ACTR3C: variants seen among roughly 807,000 people sequenced by gnomAD.
ACTR3C encodes the protein actin-related protein 3C.
In ACTR3C, 18 loss-of-function variants were observed where a neutral mutation model predicts 26.3. That is an observed-to-expected ratio of 0.68 (90% CI 0.47 to 1.01). The LOEUF is 1.01. Ranked by LOEUF, ACTR3C falls within the 50% of genes least tolerant of loss-of-function variation. The pLI is 0.00. For synonymous variants in ACTR3C, 55 were observed against 94.5 expected (o/e 0.58, Z 2.42); for missense variants, 184 against 250.7 (o/e 0.73, Z 1.80).
At chr7:149,932,587 C>T in the ACTR3C span, among the ~76,000 whole-genome samples, 119 of 152,086 alleles carry the variant, frequency 7.8e-4, no homozygotes, top group African/African-American at 2.3e-3. Flanking sequence ...TGGAGATAAT[C>T]GCACAGTCAT....
chr7:150,035,022 G>GA, the ACTR3C span, among the ~76,000 whole-genome samples: 6 of 144,436 alleles, frequency 4.2e-5, no homozygotes, highest in South Asian at 1.3e-3. Flanking sequence ...GAGCCAGGGG[G>GA]GGAAGAGGGA....
At chr7:150,111,940 C>T in the ACTR3C span, among the ~76,000 whole-genome samples, 6 of 152,048 alleles carry the variant, frequency 3.9e-5, 1 homozygote, top group Admixed American at 3.9e-4. Context: ...TCCCAGCTTT[C>T]GCTGACTCCT....
chr7:150,261,667 A>G (rs141094742), intron 6 of ACTR3C, among the ~76,000 whole-genome samples: 6,751 of 151,992 alleles, frequency 0.044, 451 homozygotes, highest in African/African-American at 0.15. Flanking sequence ...ACGCCATTAC[A>G]CTCCAGCCTG....
At chr7:150,216,784 TG>T in the ACTR3C span, among the ~76,000 whole-genome samples, 206 of 151,684 alleles carry the variant, frequency 1.4e-3, no homozygotes, top group African/African-American at 4.7e-3. Context: ...GCCAGGAGTT[TG>T]AGACCAGCCT....
chr7:150,258,470 G>A (rs1833387526), intron 6 of ACTR3C, among the ~76,000 whole-genome samples: 1 of 151,694 alleles, frequency 6.6e-6, no homozygotes, highest in Non-Finnish European at 1.5e-5. Context: ...ATGAGAGTTA[G>A]GCCAAATTAG....
chr7:149,959,905 A>T, the ACTR3C span, among the ~76,000 whole-genome samples: 2 of 152,164 alleles, frequency 1.3e-5, no homozygotes, highest in Non-Finnish European at 2.9e-5. Flanking sequence ...TCCCAACCCT[A>T]TCTATAGGTA....
the ACTR3C span, among the ~76,000 whole-genome samples, chr7:150,113,081 G>A: frequency 1.6e-4 from 24 of 152,046 alleles, no homozygotes; most frequent in Non-Finnish European, 3.2e-4. Context: ...GAAACAGATG[G>A]GGAAAATCCT....
At chr7:150,065,032 A>T in the ACTR3C span, among the ~76,000 whole-genome samples, 1 of 151,768 alleles carries the variant, frequency 6.6e-6, no homozygotes, top group Non-Finnish European at 1.5e-5. Flanking sequence ...TAGCTTTTCT[A>T]GGGGTGTTTA....
At chr7:150,197,888 TC>T in the ACTR3C span, among the ~76,000 whole-genome samples, 1 of 141,370 alleles carries the variant, frequency 7.1e-6, no homozygotes, top group Admixed American at 7.1e-5. Flanking sequence ...CTCCCCACGG[TC>T]TCCCTCTCAT....
chr7:150,232,277 G>A, the ACTR3C span, among the ~76,000 whole-genome samples: 2 of 152,086 alleles, frequency 1.3e-5, no homozygotes, highest in Non-Finnish European at 2.9e-5. Context: ...TGAGTTTCCT[G>A]TAGATTAAAT....
chr7:150,055,868 G>T, the ACTR3C span, among the ~76,000 whole-genome samples: 36 of 150,350 alleles, frequency 2.4e-4, no homozygotes, highest in East Asian at 7.1e-3. Flanking sequence ...TGGACTCATT[G>T]CTTTTTTAAT....
At chr7:149,913,681 C>T in the ACTR3C span, among the ~76,000 whole-genome samples, 1 of 149,886 alleles carries the variant, frequency 6.7e-6, no homozygotes, top group African/African-American at 2.4e-5. Flanking sequence ...CGCTCACCCG[C>T]ATGGTTCTGG....
the ACTR3C span, among the ~76,000 whole-genome samples, chr7:150,088,746 C>T: frequency 2.6e-5 from 4 of 152,174 alleles, no homozygotes; most frequent in African/African-American, 9.6e-5. Flanking sequence ...TATTACAGGT[C>T]TTAATGTCTG....
the ACTR3C span, among the ~76,000 whole-genome samples, chr7:150,158,909 A>ACACACGTGCGCC: frequency 6.7e-6 from 1 of 149,442 alleles, no homozygotes; most frequent in Admixed American, 6.6e-5. Context: ...ACACGTGCGC[A>ACACACGTGCGCC]CACACACGTG....
the ACTR3C span, among the ~76,000 whole-genome samples, chr7:150,112,671 G>C: frequency 2.6e-4 from 39 of 152,298 alleles, no homozygotes; most frequent in African/African-American, 8.7e-4. Context: ...AAAAGGAGGA[G>C]GACAGCCACC....
the ACTR3C span, among the ~76,000 whole-genome samples, chr7:150,128,291 T>G: frequency 1.3e-3 from 197 of 152,338 alleles, 3 homozygotes; most frequent in Middle Eastern, 3.4e-3. Context: ...TAGAGCATGC[T>G]GCCTAAATTG....
At chr7:149,948,059 C>G in the ACTR3C span, among the ~76,000 whole-genome samples, 47,515 of 143,218 alleles carry the variant, frequency 0.33, 8,776 homozygotes, top group Non-Finnish European at 0.43. Flanking sequence ...CCCCCAGAAG[C>G]AGCCCCTGCT....
the ACTR3C span, chr7:149,892,333 C>T: frequency 8.7e-6 from 14 of 1,606,596 alleles, no homozygotes; most frequent in African/African-American, 1.6e-4. Context: ...TCAAGGTCAT[C>T]AACTCCCCTC....
the ACTR3C span, among the ~76,000 whole-genome samples, chr7:150,069,366 G>T: frequency 6.6e-6 from 1 of 152,212 alleles, no homozygotes; most frequent in African/African-American, 2.4e-5. Context: ...GGGCTAAGGT[G>T]TTAGGGAGGG....
Sources: allele counts gnomAD v4.1 joint callset (sites outside exome capture counted in the v4.1 genomes callset), GRCh38; gene constraint gnomAD v4.1.1; transcripts MANE v1.5; gene names NCBI Gene and HGNC (gene_info 2026-07-23, HGNC 2026-07-21).